FBLN2: variants seen among roughly 807,000 people sequenced by gnomAD.
The protein encoded by FBLN2 is fibulin 2.
A neutral mutation model predicts 123.7 loss-of-function variants in FBLN2; 81 were observed. The ratio of observed to expected loss-of-function variants is 0.65; its 90% CI spans 0.55 to 0.79. The LOEUF (loss-of-function observed/expected upper bound fraction) is 0.79, where lower values mean the gene tolerates loss of function less well. Ranked by LOEUF, FBLN2 falls within the 30% of genes least tolerant of loss-of-function variation. FBLN2 has a pLI of 0.00. For missense variants in FBLN2, 1,603 were observed against 1,681.3 expected (o/e 0.95, Z 0.81); for synonymous variants, 699 against 701.4 (o/e 1.00, Z 0.05).
At chr3:13,585,962 C>T (rs1176642251) in intron 2 of FBLN2, among the ~76,000 whole-genome samples, 1 of 152,132 alleles carries the variant, frequency 6.6e-6, no homozygotes, top group Non-Finnish European at 1.5e-5. Flanking sequence ...TGGCTTTCTA[C>T]TTATTTGAAA....
intron 16 of FBLN2, among the ~76,000 whole-genome samples, chr3:13,634,909 A>G (rs1163409378): frequency 1.3e-5 from 2 of 152,212 alleles, no homozygotes; most frequent in African/African-American, 2.4e-5. Flanking sequence ...CTCAAGCATC[A>G]CAGGGATGTC....
At chr3:13,602,872 T>C (rs945539699) in intron 2 of FBLN2, among the ~76,000 whole-genome samples, 1 of 151,872 alleles carries the variant, frequency 6.6e-6, no homozygotes, top group Non-Finnish European at 1.5e-5. Flanking sequence ...CTGTTGTTTC[T>C]TCTTTCTATT....
chr3:13,606,062 G>A lies in FBLN2; in HGVS notation c.1307-2000G>A, dbSNP rs184190934. Among the ~76,000 whole-genome samples the A allele has an allele frequency of 2.4e-4, 37 of 152,162 alleles. No individual in the cohort carries two copies. In the East Asian group the frequency reaches 6.0e-3, roughly 25 times the overall value. ...CCATCCTCCCACCCCAGCTTCCCGA[G>A]TAGCTAGGCTAACTTTTTGTGGAGT... is the stretch of plus-strand genomic sequence containing the variant. On this transcript the variant is annotated intron_variant, in intron 2 of 17. Transcript: ENST00000404922.
chr3:13,581,222 T>TGGGGGGGGGGGGGGGGGGGGGGGGG (rs138166929), intron 2 of FBLN2, among the ~76,000 whole-genome samples: 1 of 42,332 alleles, frequency 2.4e-5, no homozygotes, highest in Non-Finnish European at 5.3e-5. Flanking sequence ...AGGTGGGGGG[T>TGGGGGGGGGGGGGGGGGGGGGGGGG]GGGGGGGAGG....
chr3:13,559,423 A>C (rs762942393), intron 1 of FBLN2, among the ~76,000 whole-genome samples: 46 of 152,200 alleles, frequency 3.0e-4, no homozygotes, highest in Non-Finnish European at 5.9e-4. Flanking sequence ...AGATGGCTTC[A>C]GGTACCCTTG....
chr3:13,566,787 A>G (rs1434707491), intron 1 of FBLN2, among the ~76,000 whole-genome samples: 1 of 152,246 alleles, frequency 6.6e-6, no homozygotes, highest in Non-Finnish European at 1.5e-5. Flanking sequence ...CTGAATTTTT[A>G]TGTGAACGTT....
At chr3:13,586,863 A>T in intron 2 of FBLN2, among the ~76,000 whole-genome samples, 1 of 151,264 alleles carries the variant, frequency 6.6e-6, no homozygotes, top group Non-Finnish European at 1.5e-5. Context: ...AAAATTGAAA[A>T]TAGGCTGGGT....
At chr3:13,623,263 C>T (rs1705917247) in intron 9 of FBLN2, among the ~76,000 whole-genome samples, 1 of 152,218 alleles carries the variant, frequency 6.6e-6, no homozygotes, top group African/African-American at 2.4e-5. Flanking sequence ...CCACGAGCAC[C>T]CCTCCCATGA....
At chr3:13,552,006 A>C (rs918952895) in intron 1 of FBLN2, among the ~76,000 whole-genome samples, 3 of 151,658 alleles carry the variant, frequency 2.0e-5, no homozygotes, top group African/African-American at 7.3e-5. Context: ...CAGCCAGCTA[A>C]TTTTCTATTT....
intron 5 of FBLN2, among the ~76,000 whole-genome samples, chr3:13,615,429 A>G (rs890634926): frequency 3.3e-5 from 5 of 152,202 alleles, no homozygotes; most frequent in Admixed American, 2.0e-4. Context: ...TGGAGTGGGA[A>G]TTAAAGCCAC....
intron 1 of FBLN2, among the ~76,000 whole-genome samples, chr3:13,568,142 C>T (rs188836879): frequency 2.9e-4 from 44 of 152,224 alleles, no homozygotes; most frequent in African/African-American, 1.0e-3. Context: ...AGGGCAGGGG[C>T]GTCAGCCCTC....
chr3:13,566,059 G>A (rs1188349020), intron 1 of FBLN2, among the ~76,000 whole-genome samples: 1 of 152,234 alleles, frequency 6.6e-6, no homozygotes, highest in Non-Finnish European at 1.5e-5. Flanking sequence ...GCTTGGTGCA[G>A]TGTGACTGCC....
rs1703930154 is a variant in FBLN2 at position 13,571,092 on chromosome 3, C to G, written c.737C>G (p.Pro246Arg). ...SQPLSTIQAP[P>R]WPAVLPRPTA... Reference sequence around the variant, plus strand: ...CCACTGTCCACCATCCAGGCACCCCCCTGGCCAGCTGTCCTCCCCAGGCCC... The same window carrying G: ...CCACTGTCCACCATCCAGGCACCCCGCTGGCCAGCTGTCCTCCCCAGGCCC... Residue 246 changes from proline to arginine, a missense_variant, in exon 2 of 18, where the codon CCC becomes CGC. Pro to Arg is a moderately radical substitution (Grantham distance 103, BLOSUM62 -2). Coordinates refer to ENST00000404922, the MANE Select transcript of FBLN2 (RefSeq NM_001004019.2). 3 of 1,553,268 alleles carry G rather than the reference C, an allele frequency of 1.9e-6. No homozygotes were observed. The highest frequency in any genetic ancestry group is 2.4e-5 in the East Asian group (1 of 41,074).
chr3:13,571,132 C>T lies in FBLN2; in HGVS notation c.777C>T (p.Ala259=), dbSNP rs781560375. The T allele has an allele frequency of 1.9e-6, 3 of 1,552,962 alleles. No individual in the cohort carries two copies. The highest frequency in any genetic ancestry group is 3.9e-5 in the Admixed American group (2 of 51,080). The change falls in exon 2 of 18, where the codon GCC becomes GCT. Residue 259 remains alanine (A), a synonymous_variant. Coordinates refer to ENST00000404922, the MANE Select transcript of FBLN2 (RefSeq NM_001004019.2). ...TCCCCAGGCCCACAGCGGCTGCTGC[C>T]CTGGGTCCCCCAGCCCCAGTGCAGG... The part of the protein sequence containing the change: ...AVLPRPTAAA[A]LGPPAPVQAK...
At chr3:13,614,546 C>T (rs933299694) in intron 5 of FBLN2, among the ~76,000 whole-genome samples, 1 of 151,282 alleles carries the variant, frequency 6.6e-6, no homozygotes, top group Non-Finnish European at 1.5e-5. Context: ...CATTCATTCA[C>T]TCCCTCATTC....
chr3:13,588,182 C>T (rs1405738991), intron 2 of FBLN2, among the ~76,000 whole-genome samples: 1 of 152,222 alleles, frequency 6.6e-6, no homozygotes, highest in Non-Finnish European at 1.5e-5. Context: ...TTTAGATTCA[C>T]AAATACTTAC....
At chr3:13,627,806 C>G (rs781387460) in intron 10 of FBLN2, 26 bp from the exon 11 acceptor site, 40 of 1,604,410 alleles carry the variant, frequency 2.5e-5, no homozygotes, top group Middle Eastern at 1.7e-4. Flanking sequence ...CCCCCCAGCC[C>G]TTGACACCCA....
At chr3:13,609,484 T>G (rs1181019863) in intron 3 of FBLN2, 29 bp from the exon 4 acceptor site, 2 of 1,521,566 alleles carry the variant, frequency 1.3e-6, no homozygotes, top group South Asian at 1.3e-5. Flanking sequence ...GGTGGGCGAC[T>G]GGGGGCTAAG....
At chr3:13,556,933 C>T (rs1166699948) in intron 1 of FBLN2, among the ~76,000 whole-genome samples, 2 of 152,256 alleles carry the variant, frequency 1.3e-5, no homozygotes, top group Non-Finnish European at 2.9e-5. Flanking sequence ...GCCACCAGGA[C>T]TCCCTCACGC....
Sources: allele counts gnomAD v4.1 joint callset (sites outside exome capture counted in the v4.1 genomes callset), GRCh38; gene constraint gnomAD v4.1.1; transcripts MANE v1.5; gene names NCBI Gene and HGNC (gene_info 2026-07-23, HGNC 2026-07-21).